The following SNX30 variants were observed in gnomAD, a reference collection of about 807,000 sequenced individuals.
The protein encoded by SNX30 is sorting nexin family member 30.
SNX30 carries 24 observed loss-of-function variants against 46.4 expected under a neutral mutation model. The observed-to-expected ratio is 0.52, with a 90% CI of 0.37 to 0.73. The LOEUF (loss-of-function observed/expected upper bound fraction) is 0.73. Ranked by LOEUF, SNX30 falls within the 30% of genes least tolerant of loss-of-function variation. The pLI is 0.00. For synonymous variants in SNX30, 189 were observed against 211.5 expected, an observed-to-expected ratio of 0.89 and a Z score of 0.92; for missense variants, 533 against 555.7, an observed-to-expected ratio of 0.96 and a Z score of 0.41.
chr9:112,763,024 G>A (rs1411015746), intron 1 of SNX30, among the ~76,000 whole-genome samples: 2 of 152,196 alleles, frequency 1.3e-5, no homozygotes, highest in Non-Finnish European at 2.9e-5. Context: ...GGTGGGCAGA[G>A]GAGGTTCAGT....
At position 112,755,971 on chromosome 9, in the gene SNX30, C is replaced by T. The variant is rs141216422; in HGVS notation, c.156+4814C>T. Among the ~76,000 whole-genome samples, 216 of 152,168 alleles carry T rather than the reference C, an allele frequency of 1.4e-3. 2 individuals are homozygous for T. The highest frequency in any genetic ancestry group is 4.8e-3 in the African/African-American group (201 of 41,506). On this transcript the variant is annotated intron_variant, in intron 1 of 8. Coordinates refer to ENST00000374232, the MANE Select transcript of SNX30 (RefSeq NM_001012994.2). ...CTAAACCAGTCTCTGATTCTGATTGCGCAGACTTGAATCAGGTACTTATCT... is the reference window on the plus strand; with the variant it reads ...CTAAACCAGTCTCTGATTCTGATTGTGCAGACTTGAATCAGGTACTTATCT...
At chr9:112,834,201 G>A (rs750704709) in intron 4 of SNX30, among the ~76,000 whole-genome samples, 1 of 152,120 alleles carries the variant, frequency 6.6e-6, no homozygotes, top group African/African-American at 2.4e-5. Flanking sequence ...ACACCAAGCA[G>A]CCATTGCCAG....
intron 2 of SNX30, among the ~76,000 whole-genome samples, chr9:112,805,444 GATTA>G (rs1273206290): frequency 1.3e-5 from 2 of 151,988 alleles, no homozygotes; most frequent in Admixed American, 1.3e-4. Context: ...AGATTTAATT[GATTA>G]ATTAAATAAC....
intron 1 of SNX30, among the ~76,000 whole-genome samples, chr9:112,763,414 G>A (rs1280069473): frequency 1.5e-5 from 2 of 129,658 alleles, no homozygotes; most frequent in Admixed American, 9.4e-5. Flanking sequence ...AGAGAGAGGC[G>A]TCTCACTATG....
intron 2 of SNX30, among the ~76,000 whole-genome samples, chr9:112,813,810 A>C (rs977629717): frequency 2.0e-5 from 3 of 152,194 alleles, no homozygotes; most frequent in Admixed American, 6.5e-5. Context: ...AAGTCTTACC[A>C]ACAAAATTAC....
intron 1 of SNX30, among the ~76,000 whole-genome samples, chr9:112,773,394 CT>C (rs370347602): frequency 3.7e-4 from 54 of 145,314 alleles, no homozygotes; most frequent in Admixed American, 3.4e-4. Context: ...AGATTATTTG[CT>C]TTTTTTTTTT....
intron 7 of SNX30, among the ~76,000 whole-genome samples, chr9:112,859,311 C>G (rs1030738340): frequency 2.0e-5 from 3 of 152,176 alleles, no homozygotes; most frequent in Admixed American, 2.0e-4. Context: ...CACACACATA[C>G]ATACATACAC....
chr9:112,842,266 C>T (rs940369963), intron 6 of SNX30, among the ~76,000 whole-genome samples: 2 of 152,188 alleles, frequency 1.3e-5, no homozygotes, highest in Admixed American at 1.3e-4. Flanking sequence ...TCATCAGCTG[C>T]TGAATGGTCC....
In SNX30 at chr9:112,750,920, G is replaced by A; in HGVS notation, c.-82G>A. On this transcript the variant is annotated 5_prime_UTR_variant, in exon 1 of 9. Transcript: ENST00000374232. ...TCGGGTTAAGCGGCGGCCGAGCGGG[G>A]CTCGGCCCGGGGTGCTCGGGGAGCT... 1 of 1,139,480 alleles carries A rather than the reference G, an allele frequency of 8.8e-7. No individual in the cohort carries two copies. 70.6% of individuals were successfully genotyped at this position (1,139,480 alleles called of 1,614,324 possible).
chr9:112,754,633 T>G (rs1486783461), intron 1 of SNX30, among the ~76,000 whole-genome samples: 1 of 152,188 alleles, frequency 6.6e-6, no homozygotes, highest in Non-Finnish European at 1.5e-5. Flanking sequence ...CTCGAACTTC[T>G]GACCTCAGAT....
chr9:112,834,827 A>AAC lies in SNX30; in HGVS notation c.619-1373_619-1372dup, dbSNP rs1400269404. Among the ~76,000 whole-genome samples, 48 of 106,332 alleles carry AAC rather than the reference A, an allele frequency of 4.5e-4. No individual in the cohort carries two copies. In the South Asian group the frequency reaches 0.011, roughly 24 times the overall value. 69.8% of individuals were successfully genotyped at this position (106,332 alleles called of 152,430 possible). A position where few individuals can be genotyped will look rare whatever the true frequency, so the allele number is the denominator to read the frequency against. On this transcript the variant is annotated intron_variant, in intron 4 of 8. Transcript: ENST00000374232. ...GTTATGAGCCAGGAACCGTGGATTAAACACACACACACACAAACACACACA... is the reference window on the plus strand; with the variant it reads ...GTTATGAGCCAGGAACCGTGGATTAAACACACACACACACACAAACACACACA...
At chr9:112,844,773 A>G (rs1182467228) in intron 6 of SNX30, among the ~76,000 whole-genome samples, 4 of 152,252 alleles carry the variant, frequency 2.6e-5, no homozygotes, top group Admixed American at 2.6e-4. Context: ...GATAACTTCT[A>G]CAACATTCCG....
At chr9:112,844,018 A>G (rs1378948305) in intron 6 of SNX30, among the ~76,000 whole-genome samples, 3 of 152,200 alleles carry the variant, frequency 2.0e-5, no homozygotes, top group African/African-American at 4.8e-5. Flanking sequence ...GTGCTACAGT[A>G]TGGAGACTAG....
At chr9:112,859,383 C>G (rs1841191584) in intron 7 of SNX30, among the ~76,000 whole-genome samples, 1 of 152,182 alleles carries the variant, frequency 6.6e-6, no homozygotes, top group Non-Finnish European at 1.5e-5. Context: ...TTGCTTTCAT[C>G]TTTGGGCTAC....
chr9:112,842,899 G>A (rs1486256304), intron 6 of SNX30, among the ~76,000 whole-genome samples: 2 of 152,252 alleles, frequency 1.3e-5, no homozygotes, highest in African/African-American at 2.4e-5. Context: ...ACAAGGATAT[G>A]TGTGCGGGGA....
chr9:112,826,612 G>A (rs1840582915), intron 3 of SNX30, among the ~76,000 whole-genome samples: 1 of 152,174 alleles, frequency 6.6e-6, no homozygotes, highest in Non-Finnish European at 1.5e-5. Flanking sequence ...TTTAGGGGAG[G>A]AGGGGTTGTT....
chr9:112,865,372 C>T lies in SNX30; in HGVS notation c.1254+973C>T, dbSNP rs113074838. Among the ~76,000 whole-genome samples the T allele has an allele frequency of 5.5e-3, 835 of 151,934 alleles. 8 individuals carry two copies. The highest frequency in any genetic ancestry group is 0.015 in the South Asian group (74 of 4,820). On this transcript the variant is annotated intron_variant, in intron 8 of 8. Transcript: ENST00000374232. ...GGTGCAGTGGCTCACGCCCGTAATC[C>T]CAGCACTTGAAGAGTCCGAGGTGGG...
chr9:112,821,588 G>A (rs749041134), intron 3 of SNX30, among the ~76,000 whole-genome samples: 12 of 151,852 alleles, frequency 7.9e-5, no homozygotes, highest in Non-Finnish European at 1.2e-4. Flanking sequence ...CCGGGTTCAC[G>A]TCATTCTCCT....
chr9:112,773,463 C>G (rs1384221108), intron 1 of SNX30, among the ~76,000 whole-genome samples: 1 of 151,812 alleles, frequency 6.6e-6, no homozygotes, highest in African/African-American at 2.4e-5. Context: ...GATTGTGGCT[C>G]ACTGCAGCTT....
Sources: allele counts gnomAD v4.1 joint callset (sites outside exome capture counted in the v4.1 genomes callset), GRCh38; gene constraint gnomAD v4.1.1; transcripts MANE v1.5; gene names NCBI Gene and HGNC (gene_info 2026-07-23, HGNC 2026-07-21).